Variants in NCKAP5 observed in about 807,000 individuals in gnomAD.
The protein encoded by NCKAP5 is nck-associated protein 5.
NCKAP5 carries 92 observed loss-of-function variants against 167.0 expected under a neutral mutation model. The ratio of observed to expected loss-of-function variants is 0.55; its 90% CI spans 0.47 to 0.66. The LOEUF is 0.66. Among genes scored for constraint, NCKAP5 ranks in the 30% least tolerant of loss-of-function variants. The pLI is 0.00. For synonymous variants in NCKAP5, 891 were observed against 877.4 expected (o/e 1.02, Z -0.27); for missense variants, 2,378 against 2,315.0 (o/e 1.03, Z -0.56).
At chr2:133,227,249 C>T (rs184823082) in intron 4 of NCKAP5, among the ~76,000 whole-genome samples, 1 of 152,296 alleles carries the variant, frequency 6.6e-6, no homozygotes, top group Admixed American at 6.5e-5. Context: ...TCAAATGGCA[C>T]ACTTCATAGC....
chr2:133,593,385 C>G, the NCKAP5 span, among the ~76,000 whole-genome samples: 1 of 148,858 alleles, frequency 6.7e-6, no homozygotes, highest in African/African-American at 2.5e-5. Flanking sequence ...AAAAAAAAAG[C>G]CAGCATACAC....
intron 3 of NCKAP5, among the ~76,000 whole-genome samples, chr2:133,363,446 A>C (rs1685256021): frequency 6.6e-6 from 1 of 152,214 alleles, no homozygotes; most frequent in South Asian, 2.1e-4. Flanking sequence ...TATTTACAAA[A>C]AGAGTTTGTC....
At chr2:133,200,430 A>G (rs1428010578) in intron 5 of NCKAP5, among the ~76,000 whole-genome samples, 1 of 152,132 alleles carries the variant, frequency 6.6e-6, no homozygotes, top group Non-Finnish European at 1.5e-5. Context: ...CATGCAAAAG[A>G]ATGAGGTTGG....
chr2:133,640,648 C>T, the NCKAP5 span, among the ~76,000 whole-genome samples: 13 of 152,158 alleles, frequency 8.5e-5, no homozygotes, highest in Admixed American at 2.0e-4. Context: ...CAGGCAAAAA[C>T]GTCAAAATGT....
intron 5 of NCKAP5, among the ~76,000 whole-genome samples, chr2:133,193,592 T>C (rs1430799112): frequency 2.0e-5 from 3 of 152,078 alleles, no homozygotes; most frequent in African/African-American, 4.8e-5. Flanking sequence ...ATGAGATTTA[T>C]AAATATAAAC....
chr2:133,283,930 TA>T (rs1378733354), intron 4 of NCKAP5, among the ~76,000 whole-genome samples: 1 of 152,124 alleles, frequency 6.6e-6, no homozygotes, highest in African/African-American at 2.4e-5. Flanking sequence ...AATTTTAAGT[TA>T]AATTTTTGCT....
Position 133,004,156 on chromosome 2 carries a change from C to A in NCKAP5, c.342-9917G>T, listed in dbSNP as rs531112705. Among the ~76,000 whole-genome samples, 3 of 152,302 alleles carry A rather than the reference C, an allele frequency of 2.0e-5. No homozygotes were observed. In the East Asian group the frequency reaches 5.8e-4, roughly 29 times the overall value. On this transcript the variant is annotated intron_variant, in intron 6 of 19. Transcript: ENST00000409261. ...AGGGAGAAAGAATATCTCACATGTG[C>A]AAGTAAATGCCACAAAGGAGAAATA...
At chr2:133,157,328 G>A (rs1278959898) in intron 5 of NCKAP5, among the ~76,000 whole-genome samples, 1 of 152,174 alleles carries the variant, frequency 6.6e-6, no homozygotes, top group East Asian at 1.9e-4. Context: ...TCTTCAGTGA[G>A]TATCTCCACC....
intron 5 of NCKAP5, among the ~76,000 whole-genome samples, chr2:133,208,114 A>C (rs534097996): frequency 6.6e-6 from 1 of 152,278 alleles, no homozygotes; most frequent in African/African-American, 2.4e-5. Flanking sequence ...CAAGGCAGGC[A>C]GATCACTTGA....
intron 5 of NCKAP5, among the ~76,000 whole-genome samples, chr2:133,142,377 A>G (rs1051165357): frequency 1.3e-5 from 2 of 152,184 alleles, no homozygotes; most frequent in African/African-American, 4.8e-5. Flanking sequence ...TAATAATAGA[A>G]TACCTGCCTG....
chr2:133,102,408 A>C (rs1299510121), intron 6 of NCKAP5, among the ~76,000 whole-genome samples: 2 of 152,102 alleles, frequency 1.3e-5, no homozygotes, highest in East Asian at 3.9e-4. Flanking sequence ...CAGCCTCCCC[A>C]AGTGCTGGGA....
intron 18 of NCKAP5, among the ~76,000 whole-genome samples, chr2:132,726,806 G>A (rs1204623367): frequency 2.0e-5 from 3 of 152,204 alleles, no homozygotes; most frequent in African/African-American, 7.2e-5. Flanking sequence ...TAAGCAGTAT[G>A]CTAGGTTTTA....
chr2:133,626,468 A>C, the NCKAP5 span, among the ~76,000 whole-genome samples: 1 of 121,262 alleles, frequency 8.2e-6, no homozygotes, highest in Non-Finnish European at 1.5e-5. Context: ...CAAGGGAAAT[A>C]AAAAGGGGAG....
intron 6 of NCKAP5, among the ~76,000 whole-genome samples, chr2:133,003,941 G>A (rs1178525690): frequency 2.0e-5 from 3 of 152,198 alleles, no homozygotes; most frequent in East Asian, 1.9e-4. Context: ...GAGAGAGGCC[G>A]ATTGGGAGAG....
intron 6 of NCKAP5, among the ~76,000 whole-genome samples, chr2:133,063,415 G>C (rs749712629): frequency 6.6e-6 from 1 of 152,092 alleles, no homozygotes; most frequent in Non-Finnish European, 1.5e-5. Context: ...TATATATGGC[G>C]AATCCATCTG....
chr2:132,772,000 AT>A (rs1012788221), intron 16 of NCKAP5, among the ~76,000 whole-genome samples: 21 of 151,272 alleles, frequency 1.4e-4, no homozygotes, highest in Non-Finnish European at 2.2e-4. Flanking sequence ...CGATACTCGT[AT>A]TTTTTTTAAC....
chr2:133,492,348 G>A (rs1441602810), intron 3 of NCKAP5, among the ~76,000 whole-genome samples: 2 of 152,234 alleles, frequency 1.3e-5, no homozygotes, highest in African/African-American at 4.8e-5. Context: ...TAGTTGTAAA[G>A]AAGATGTAGT....
intron 8 of NCKAP5, among the ~76,000 whole-genome samples, chr2:132,908,936 T>C (rs1477209458): frequency 6.6e-6 from 1 of 152,242 alleles, no homozygotes; most frequent in Non-Finnish European, 1.5e-5. Flanking sequence ...CCAACACACA[T>C]TTCTTCATCC....
chr2:133,505,351 T>A (rs1042797851), intron 3 of NCKAP5, among the ~76,000 whole-genome samples: 1 of 152,080 alleles, frequency 6.6e-6, no homozygotes, highest in Non-Finnish European at 1.5e-5. Flanking sequence ...ATCATGGATA[T>A]GCTATTCCAC....
Sources: gnomAD v4.1 joint callset for allele counts (sites outside exome capture counted in the v4.1 genomes callset) on GRCh38, gnomAD v4.1.1 for gene constraint, MANE v1.5 for transcripts, NCBI Gene and HGNC (gene_info 2026-07-23, HGNC 2026-07-21) for gene names.